Variants in IL7 observed in about 807,000 individuals in gnomAD.
The protein encoded by IL7 is interleukin-7.
A neutral mutation model predicts 21.6 loss-of-function variants in IL7; 3 were observed. The observed-to-expected ratio is 0.14, with a 90% CI of 0.06 to 0.36. The LOEUF (loss-of-function observed/expected upper bound fraction) is 0.36, where lower values mean the gene tolerates loss of function less well. IL7 is among the 10% of genes least tolerant of loss of function. IL7 has a pLI of 1.00. For synonymous variants in IL7, 62 were observed against 68.1 expected, an observed-to-expected ratio of 0.91 and a Z score of 0.44; for missense variants, 175 against 200.2, an observed-to-expected ratio of 0.87 and a Z score of 0.76.
chr8:78,709,027 A>C (rs1303588570), intron 3 of IL7, among the ~76,000 whole-genome samples: 2 of 152,174 alleles, frequency 1.3e-5, no homozygotes, highest in Non-Finnish European at 2.9e-5. Flanking sequence ...AGATCTTTTA[A>C]ATAAATATTT....
intron 2 of IL7, among the ~76,000 whole-genome samples, chr8:78,757,670 A>C (rs937246639): frequency 6.6e-6 from 1 of 151,896 alleles, no homozygotes; most frequent in African/African-American, 2.4e-5. Context: ...ATGTTCTTTG[A>C]CTTTAAGTCT....
intron 2 of IL7, among the ~76,000 whole-genome samples, chr8:78,771,994 CA>C (rs1443402947): frequency 2.0e-5 from 3 of 152,104 alleles, no homozygotes; most frequent in Non-Finnish European, 4.4e-5. Flanking sequence ...TGTGGGAAAA[CA>C]ATCAGTTATA....
intron 2 of IL7, among the ~76,000 whole-genome samples, chr8:78,797,310 T>C (rs984419979): frequency 9.9e-5 from 15 of 151,982 alleles, no homozygotes; most frequent in African/African-American, 2.9e-4. Flanking sequence ...ATTTGTATGA[T>C]ATGTAATCAC....
At chr8:78,763,358 G>T (rs1210812778) in intron 2 of IL7, among the ~76,000 whole-genome samples, 1 of 152,150 alleles carries the variant, frequency 6.6e-6, no homozygotes, top group Non-Finnish European at 1.5e-5. Flanking sequence ...AGTGATAAAA[G>T]GTTAGGAGGG....
Position 78,738,597 on chromosome 8 carries a change from C to T in IL7, c.267G>A (p.Arg89=), listed in dbSNP as rs755642203. The part of the protein sequence containing the change: ...MFLFRAARKL[R]QFLKMNSTGD... The stretch of plus-strand genomic sequence containing the variant: ...CAGTGCTATTCATTTTAAGAAATTG[C>T]CTCAACTTGCGAGCAGCACGGAATA... The change falls in exon 4 of 6, where the codon AGG becomes AGA. Residue 89 remains arginine, a synonymous_variant. Coordinates refer to ENST00000263851, the MANE Select transcript of IL7 (RefSeq NM_000880.4). 16 of 1,613,610 alleles carry T rather than the reference C, an allele frequency of 9.9e-6. No homozygotes were observed. The South Asian group carries it at 1.8e-4, about 18-fold the overall frequency.
chr8:78,709,087 G>A (rs910375703), intron 3 of IL7, among the ~76,000 whole-genome samples: 3 of 152,098 alleles, frequency 2.0e-5, no homozygotes, highest in African/African-American at 7.2e-5. Flanking sequence ...CTTATTACCA[G>A]TTTAAATGGA....
intron 2 of IL7, among the ~76,000 whole-genome samples, chr8:78,769,230 G>A (rs1445992625): frequency 6.6e-5 from 10 of 151,870 alleles, no homozygotes; most frequent in Middle Eastern, 3.2e-3. Context: ...ATTAGGAAAA[G>A]AGGAAGTCAA....
At chr8:78,793,198 G>C (rs920767691) in intron 2 of IL7, among the ~76,000 whole-genome samples, 15 of 152,152 alleles carry the variant, frequency 9.9e-5, no homozygotes, top group Non-Finnish European at 2.1e-4. Context: ...AATTCCTAGA[G>C]ACAGAAAGCA....
intron 3 of IL7, among the ~76,000 whole-genome samples, chr8:78,704,950 GT>G (rs1199900858): frequency 6.6e-6 from 1 of 152,130 alleles, no homozygotes; most frequent in Admixed American, 6.5e-5. Context: ...GCTTTATCAG[GT>G]TGGTTATGTT....
At chr8:78,715,454 G>A (rs1463094936), downstream of IL7, 2 of 842,648 alleles carry the variant, frequency 2.4e-6, no homozygotes, top group Non-Finnish European at 3.5e-6. Flanking sequence ...TTTTAATCTG[G>A]CTTTTAAGTT....
chr8:78,789,055 T>G (rs1396737177), intron 2 of IL7, among the ~76,000 whole-genome samples: 1 of 152,186 alleles, frequency 6.6e-6, no homozygotes, highest in Non-Finnish European at 1.5e-5. Context: ...TTTTGATTAG[T>G]GTTAACATAG....
intron 3 of IL7, among the ~76,000 whole-genome samples, chr8:78,686,782 A>G (rs1388332041): frequency 6.6e-6 from 1 of 152,222 alleles, no homozygotes; most frequent in Non-Finnish European, 1.5e-5. Flanking sequence ...TTATAAAGAC[A>G]TTAATTTAGA....
intron 3 of IL7, among the ~76,000 whole-genome samples, chr8:78,709,064 T>C (rs1435471441): frequency 6.6e-6 from 1 of 152,236 alleles, no homozygotes; most frequent in Non-Finnish European, 1.5e-5. Flanking sequence ...CCCTAGAGTT[T>C]ACACAGTTGT....
chr8:78,773,462 G>A (rs1008941806), intron 2 of IL7, among the ~76,000 whole-genome samples: 3 of 152,072 alleles, frequency 2.0e-5, no homozygotes, highest in Non-Finnish European at 4.4e-5. Context: ...GCAAGACAGG[G>A]GAAGTAGAAA....
intron 4 of IL7, among the ~76,000 whole-genome samples, chr8:78,685,009 C>T (rs1809919267): frequency 6.6e-6 from 1 of 151,916 alleles, no homozygotes; most frequent in South Asian, 2.1e-4. Flanking sequence ...AATTTATATA[C>T]ATGAACTAGG....
At chr8:78,675,453 A>C (rs1356836104), downstream of IL7, among the ~76,000 whole-genome samples, 1 of 152,008 alleles carries the variant, frequency 6.6e-6, no homozygotes, top group Non-Finnish European at 1.5e-5. Context: ...TTGTTCTTAA[A>C]ATGTAGTAAT....
At chr8:78,753,669 A>G (rs1812249908) in intron 2 of IL7, among the ~76,000 whole-genome samples, 1 of 151,994 alleles carries the variant, frequency 6.6e-6, no homozygotes, top group Non-Finnish European at 1.5e-5. Flanking sequence ...CGTGAATGGT[A>G]TTGCCTAGGT....
At chr8:78,761,123 T>G in intron 2 of IL7, 1 of 1,593,212 alleles carries the variant, frequency 6.3e-7, no homozygotes, top group Non-Finnish European at 8.5e-7. Context: ...CACTAAAATT[T>G]CAAAAGCATC....
intron 1 of IL7, among the ~76,000 whole-genome samples, chr8:78,801,729 A>G (rs1814067069): frequency 1.3e-5 from 2 of 152,210 alleles, no homozygotes; most frequent in Non-Finnish European, 2.9e-5. Context: ...TTATTCTAAG[A>G]ATCTACCTGG....
Sources: allele counts gnomAD v4.1 joint callset (sites outside exome capture counted in the v4.1 genomes callset), GRCh38; gene constraint gnomAD v4.1.1; transcripts MANE v1.5; gene names NCBI Gene and HGNC (gene_info 2026-07-23, HGNC 2026-07-21).